PABPC4L: variants seen among roughly 807,000 people sequenced by gnomAD.
PABPC4L encodes the protein poly(A) binding protein cytoplasmic 4 like.
For missense variants in PABPC4L, 452 were observed against 451.4 expected (o/e 1.00, Z -0.01); for synonymous variants, 169 against 164.1 (o/e 1.03, Z -0.23).
the PABPC4L span, among the ~76,000 whole-genome samples, chr4:134,054,649 C>T: frequency 6.6e-6 from 1 of 151,890 alleles, no homozygotes; most frequent in African/African-American, 2.4e-5. Flanking sequence ...AGTATGTGAT[C>T]ACTTGAGATT....
chr4:133,976,456 A>T, the PABPC4L span, among the ~76,000 whole-genome samples: 1 of 152,114 alleles, frequency 6.6e-6, no homozygotes, highest in South Asian at 2.1e-4. Flanking sequence ...CCATATTTAT[A>T]TTCCTTTCGG....
chr4:134,181,698 A>G, the PABPC4L span, among the ~76,000 whole-genome samples: 2 of 152,082 alleles, frequency 1.3e-5, no homozygotes, highest in South Asian at 2.1e-4. Context: ...TCAATATATA[A>G]AAATCAGTAG....
At chr4:134,078,749 T>C in the PABPC4L span, among the ~76,000 whole-genome samples, 4 of 151,724 alleles carry the variant, frequency 2.6e-5, no homozygotes, top group African/African-American at 9.7e-5. Context: ...CCTCCCCGTG[T>C]TCAAGCCTTT....
At chr4:134,114,007 C>A in the PABPC4L span, among the ~76,000 whole-genome samples, 1 of 151,780 alleles carries the variant, frequency 6.6e-6, no homozygotes, top group African/African-American at 2.4e-5. Flanking sequence ...ATTTTAAATT[C>A]AGCGGAACAC....
chr4:134,186,865 AT>A, the PABPC4L span, among the ~76,000 whole-genome samples: 1 of 152,278 alleles, frequency 6.6e-6, no homozygotes, highest in East Asian at 1.9e-4. Context: ...AAACAACCCC[AT>A]CAAAAAGTGG....
At chr4:134,100,509 G>C in the PABPC4L span, among the ~76,000 whole-genome samples, 3 of 151,612 alleles carry the variant, frequency 2.0e-5, no homozygotes, top group Non-Finnish European at 4.4e-5. Context: ...ATATTTGGAA[G>C]ATGATTCAAT....
chr4:133,965,202 A>G, the PABPC4L span, among the ~76,000 whole-genome samples: 1 of 152,184 alleles, frequency 6.6e-6, no homozygotes, highest in South Asian at 2.1e-4. Flanking sequence ...TAAATCAAGA[A>G]CTCAAGCCCT....
the PABPC4L span, among the ~76,000 whole-genome samples, chr4:133,990,711 T>C: frequency 6.6e-6 from 1 of 152,226 alleles, no homozygotes; most frequent in African/African-American, 2.4e-5. Context: ...GCAAACACAA[T>C]TTGTGGGTAA....
chr4:134,073,223 G>A, the PABPC4L span, among the ~76,000 whole-genome samples: 1 of 152,132 alleles, frequency 6.6e-6, no homozygotes, highest in Admixed American at 6.5e-5. Context: ...AGATACATGG[G>A]AGTACAGGCA....
the PABPC4L span, among the ~76,000 whole-genome samples, chr4:134,068,394 A>T: frequency 3.3e-5 from 5 of 151,922 alleles, no homozygotes; most frequent in Non-Finnish European, 7.4e-5. Context: ...CCTTCCCTTT[A>T]CTTTGAGCCT....
chr4:134,068,657 T>G, the PABPC4L span, among the ~76,000 whole-genome samples: 1 of 152,006 alleles, frequency 6.6e-6, no homozygotes, highest in Admixed American at 6.6e-5. Context: ...TATTAGGTGT[T>G]TTTCCTTTCC....
chr4:134,037,056 CAAA>C, the PABPC4L span, among the ~76,000 whole-genome samples: 312 of 141,248 alleles, frequency 2.2e-3, 1 homozygote, highest in East Asian at 0.015. Flanking sequence ...AACTCCATCT[CAAA>C]AAAAAAAAAA....
chr4:134,049,619 T>C, the PABPC4L span, among the ~76,000 whole-genome samples: 1 of 152,140 alleles, frequency 6.6e-6, no homozygotes, highest in African/African-American at 2.4e-5. Flanking sequence ...CTGTTGAAAA[T>C]AGCTATAATG....
the PABPC4L span, among the ~76,000 whole-genome samples, chr4:134,103,509 C>T: frequency 6.6e-6 from 1 of 151,556 alleles, no homozygotes; most frequent in Non-Finnish European, 1.5e-5. Flanking sequence ...TGTATCCTCA[C>T]TTCCATTCCT....
the PABPC4L span, among the ~76,000 whole-genome samples, chr4:134,161,209 C>A: frequency 6.6e-6 from 1 of 150,754 alleles, no homozygotes; most frequent in African/African-American, 2.4e-5. Flanking sequence ...AATTAGTAAG[C>A]TTAAATGCAG....
At chr4:134,189,793 G>A in the PABPC4L span, among the ~76,000 whole-genome samples, 15 of 151,764 alleles carry the variant, frequency 9.9e-5, no homozygotes, top group Middle Eastern at 3.4e-3. Flanking sequence ...CCCTTCCTTC[G>A]TATGGAATAA....
the PABPC4L span, among the ~76,000 whole-genome samples, chr4:134,051,643 C>T: frequency 1.3e-5 from 2 of 151,744 alleles, no homozygotes; most frequent in Admixed American, 6.6e-5. Flanking sequence ...GTAAATAAGC[C>T]GAGGGGAGTT....
chr4:134,112,476 A>T, the PABPC4L span, among the ~76,000 whole-genome samples: 2 of 151,952 alleles, frequency 1.3e-5, no homozygotes, highest in Non-Finnish European at 2.9e-5. Context: ...ATTTGAAGTT[A>T]TCTACTCAAC....
chr4:133,986,814 C>T, the PABPC4L span, among the ~76,000 whole-genome samples: 1 of 151,708 alleles, frequency 6.6e-6, no homozygotes, highest in East Asian at 1.9e-4. Context: ...CAGCTCACTG[C>T]AACCTCTGAC....
Sources: allele counts gnomAD v4.1 joint callset (sites outside exome capture counted in the v4.1 genomes callset), GRCh38; gene constraint gnomAD v4.1.1; transcripts MANE v1.5; gene names NCBI Gene and HGNC (gene_info 2026-07-23, HGNC 2026-07-21).